Variants in TEC observed in about 807,000 individuals in gnomAD.
The protein encoded by TEC is tyrosine-protein kinase Tec.
Under a neutral mutation model 93.0 loss-of-function variants are expected in TEC, and 72 were observed. The observed-to-expected ratio is 0.77, with a 90% CI of 0.64 to 0.94. The LOEUF (loss-of-function observed/expected upper bound fraction) is 0.94. Ranked by LOEUF, TEC falls within the 40% of genes least tolerant of loss-of-function variation. TEC has a pLI of 0.00. For synonymous variants in TEC, 249 were observed against 247.7 expected, an observed-to-expected ratio of 1.01 and a Z score of -0.05; for missense variants, 630 against 757.9, an observed-to-expected ratio of 0.83 and a Z score of 1.98.
chr4:48,211,655 A>C lies in TEC; in HGVS notation c.138+16822T>G, dbSNP rs17609067. Among the ~76,000 whole-genome samples the C allele has an allele frequency of 8.4e-3, 1,280 of 152,322 alleles. 42 individuals are homozygous for C. The highest frequency in any genetic ancestry group is 0.06 in the East Asian group (310 of 5,184). ...TTCTCTGCTGTTGAGATAGACAATG[A>C]ACGTGAATAAATTCATCTTTGAGTC... is the stretch of plus-strand genomic sequence containing the variant. On this transcript the variant is annotated intron_variant, in intron 2 of 17. Coordinates refer to ENST00000381501, the MANE Select transcript of TEC (RefSeq NM_003215.3).
intron 2 of TEC, among the ~76,000 whole-genome samples, chr4:48,223,721 C>G (rs1208344773): frequency 6.6e-6 from 1 of 152,208 alleles, no homozygotes; most frequent in African/African-American, 2.4e-5. Flanking sequence ...TGATCCTTGC[C>G]TGGCATCTGG....
chr4:48,177,122 C>T (rs1056838631), intron 2 of TEC, among the ~76,000 whole-genome samples: 1 of 152,212 alleles, frequency 6.6e-6, no homozygotes, highest in African/African-American at 2.4e-5. Flanking sequence ...CAAAATCATC[C>T]ACACCTTTAA....
At chr4:48,246,461 T>A (rs1724059060) in intron 1 of TEC, among the ~76,000 whole-genome samples, 1 of 147,354 alleles carries the variant, frequency 6.8e-6, no homozygotes, top group Admixed American at 6.8e-5. Flanking sequence ...TAGACAAAAC[T>A]ATCTTGAAAA....
intron 2 of TEC, among the ~76,000 whole-genome samples, chr4:48,214,241 T>A (rs1379324631): frequency 1.8e-5 from 2 of 109,608 alleles, no homozygotes; most frequent in Non-Finnish European, 1.7e-5. Flanking sequence ...CACATATACA[T>A]TTAACAGGAA....
intron 1 of TEC, among the ~76,000 whole-genome samples, chr4:48,244,819 CAG>C (rs938504767): frequency 1.3e-5 from 2 of 152,096 alleles, no homozygotes; most frequent in African/African-American, 4.8e-5. Flanking sequence ...ACACACAGGA[CAG>C]AGAGATATCA....
At chr4:48,223,363 AT>A (rs917126050) in intron 2 of TEC, among the ~76,000 whole-genome samples, 1 of 151,506 alleles carries the variant, frequency 6.6e-6, no homozygotes, top group African/African-American at 2.4e-5. Context: ...AGATGTTTAG[AT>A]TTTTTTTTCA....
At chr4:48,218,254 A>T (rs183288457) in intron 2 of TEC, among the ~76,000 whole-genome samples, 1 of 152,364 alleles carries the variant, frequency 6.6e-6, no homozygotes, top group East Asian at 1.9e-4. Context: ...TATAGTTGAG[A>T]ATTTCCAGAG....
At chr4:48,225,576 T>C (rs1223481145) in intron 2 of TEC, among the ~76,000 whole-genome samples, 9 of 152,114 alleles carry the variant, frequency 5.9e-5, no homozygotes, top group Admixed American at 5.9e-4. Context: ...AGCACAAACA[T>C]GGAAGAAACA....
chr4:48,195,289 T>A (rs1722259789), intron 2 of TEC, among the ~76,000 whole-genome samples: 1 of 152,200 alleles, frequency 6.6e-6, no homozygotes, highest in Non-Finnish European at 1.5e-5. Flanking sequence ...GATAAAAGGT[T>A]AAAAAACACT....
intron 7 of TEC, among the ~76,000 whole-genome samples, chr4:48,166,182 T>C (rs55946884): frequency 4.6e-3 from 697 of 152,242 alleles, no homozygotes; most frequent in Non-Finnish European, 8.2e-3. Context: ...GTGTACAGGT[T>C]GGAAGATCCA....
chr4:48,190,730 T>C (rs1722063863), intron 2 of TEC, among the ~76,000 whole-genome samples: 1 of 152,178 alleles, frequency 6.6e-6, no homozygotes, highest in African/African-American at 2.4e-5. Flanking sequence ...GAAAAAAGAC[T>C]GGATATTGCT....
intron 2 of TEC, among the ~76,000 whole-genome samples, chr4:48,182,272 G>A (rs28408546): frequency 0.51 from 74,577 of 147,636 alleles, 18,967 homozygotes; most frequent in Admixed American, 0.56. Flanking sequence ...GTGACAGAGC[G>A]AGACTCCATC....
intron 2 of TEC, among the ~76,000 whole-genome samples, chr4:48,224,956 C>T (rs1723393720): frequency 6.6e-6 from 1 of 152,100 alleles, no homozygotes; most frequent in African/African-American, 2.4e-5. Flanking sequence ...AACCATAAAT[C>T]ATAGTTATTA....
At chr4:48,151,417 C>T (rs1223934208) in intron 9 of TEC, among the ~76,000 whole-genome samples, 1 of 152,156 alleles carries the variant, frequency 6.6e-6, no homozygotes, top group Non-Finnish European at 1.5e-5. Flanking sequence ...CTAAAAATGT[C>T]TCAGTGCTTT....
At chr4:48,206,767 C>A (rs1329800236) in intron 2 of TEC, among the ~76,000 whole-genome samples, 7 of 136,582 alleles carry the variant, frequency 5.1e-5, no homozygotes, top group Non-Finnish European at 1.1e-4. Flanking sequence ...ATAAGGAGAC[C>A]TCGTTGCTAC....
intron 1 of TEC, among the ~76,000 whole-genome samples, chr4:48,253,010 G>A (rs1309133877): frequency 1.3e-5 from 2 of 152,164 alleles, no homozygotes; most frequent in East Asian, 3.8e-4. Context: ...TTTAATAGGT[G>A]AATCATATAG....
chr4:48,257,675 A>G (rs1485692986), intron 1 of TEC, among the ~76,000 whole-genome samples: 1 of 152,220 alleles, frequency 6.6e-6, no homozygotes, highest in Non-Finnish European at 1.5e-5. Flanking sequence ...GGCACATCAT[A>G]TATGCCCAAT....
chr4:48,160,922 C>T, intron 8 of TEC, among the ~76,000 whole-genome samples: 1 of 147,886 alleles, frequency 6.8e-6, no homozygotes, highest in Non-Finnish European at 1.5e-5. Context: ...AAAAGCATGC[C>T]ACAGAAAAGC....
chr4:48,176,420 C>A lies in TEC; in HGVS notation c.139-234G>T, dbSNP rs544298975. On this transcript the variant is annotated intron_variant, in intron 2 of 17. Transcript: ENST00000381501. Reference sequence around the variant, plus strand: ...GATGAAACTGTTCTGTCCTGCCCCCCCAAAAAAACTCCAGAATGGGTCAGG... The same window carrying A: ...GATGAAACTGTTCTGTCCTGCCCCCACAAAAAAACTCCAGAATGGGTCAGG... Among the ~76,000 whole-genome samples, 127 of 152,154 alleles carry A rather than the reference C, an allele frequency of 8.3e-4. 1 individual carries two copies. The highest frequency in any genetic ancestry group is 1.6e-3 in the Non-Finnish European group (109 of 68,012).
Sources: gnomAD v4.1 joint callset for allele counts (sites outside exome capture counted in the v4.1 genomes callset) on GRCh38, gnomAD v4.1.1 for gene constraint, MANE v1.5 for transcripts, NCBI Gene and HGNC (gene_info 2026-07-23, HGNC 2026-07-21) for gene names.